Variants in HTT-AS observed in about 807,000 individuals in gnomAD.
The protein encoded by HTT-AS is HTT antisense RNA.
chr4:3,046,264 G>A (rs1316973831), downstream of HTT-AS, among the ~76,000 whole-genome samples: 1 of 152,198 alleles, frequency 6.6e-6, no homozygotes, highest in Non-Finnish European at 1.5e-5. Flanking sequence ...GACAAAAAAG[G>A]GAAGTGACAT....
chr4:3,050,151 C>A (rs950798012), intron 2 of HTT-AS, among the ~76,000 whole-genome samples: 16 of 152,130 alleles, frequency 1.1e-4, no homozygotes, highest in African/African-American at 3.9e-4. Flanking sequence ...GGTGGCCGTC[C>A]TGGTTCTCCG....
At chr4:3,054,722 T>A (rs1711774979) in intron 2 of HTT-AS, among the ~76,000 whole-genome samples, 1 of 146,312 alleles carries the variant, frequency 6.8e-6, no homozygotes, top group African/African-American at 2.6e-5. Flanking sequence ...TTCTTTCTAT[T>A]TTTTTTTTTT....
Position 3,055,351 on chromosome 4 carries a change from C to G in HTT-AS, n.1381-5653G>C, listed in dbSNP as rs533656003. On this transcript the variant is annotated intron_variant and non_coding_transcript_variant, in intron 2 of 2. Transcript: ENST00000664062. ...GGGTTGGGCCCTGTCATCTTTAACC[C>G]ATTTTTAACCCAGAGGGACTTTACT... is the stretch of plus-strand genomic sequence containing the variant. Among the ~76,000 whole-genome samples, 3 of 152,124 alleles carry G rather than the reference C, an allele frequency of 2.0e-5. 1 individual carries two copies. Among genetic ancestry groups the G allele is most frequent in the African/African-American group, 7.2e-5 (3 of 41,496 alleles).
intron 2 of HTT-AS, among the ~76,000 whole-genome samples, chr4:3,061,675 T>A (rs1578467658): frequency 4.2e-5 from 4 of 94,594 alleles, no homozygotes; most frequent in African/African-American, 4.2e-5. Context: ...AGAGTGAAAC[T>A]CCATCTCAGA....
At chr4:3,073,993 C>A (rs952511889) in intron 1 of HTT-AS, among the ~76,000 whole-genome samples, 71 of 151,408 alleles carry the variant, frequency 4.7e-4, no homozygotes, top group African/African-American at 1.7e-3. Context: ...TGCGCCCGCG[C>A]TCGGCGCCCC....
intron 2 of HTT-AS, among the ~76,000 whole-genome samples, chr4:3,061,872 C>T (rs922376592): frequency 6.6e-6 from 1 of 150,970 alleles, no homozygotes; most frequent in Non-Finnish European, 1.5e-5. Flanking sequence ...GTCCCAGCTA[C>T]TCGGCAGGCT....
chr4:3,052,543 A>G (rs1440295435), intron 2 of HTT-AS, among the ~76,000 whole-genome samples: 1 of 152,188 alleles, frequency 6.6e-6, no homozygotes, highest in African/African-American at 2.4e-5. Flanking sequence ...GCATTGGATT[A>G]TCTACTGTTT....
At chr4:3,074,497 G>T in exon 1 of HTT-AS, 1 of 253,224 alleles carries the variant, frequency 3.9e-6, no homozygotes, top group South Asian at 1.1e-4. Context: ...GGGGCGCTGC[G>T]CTGTCAGCGG....
chr4:3,052,125 G>T (rs1364651671), intron 2 of HTT-AS, among the ~76,000 whole-genome samples: 1 of 152,172 alleles, frequency 6.6e-6, no homozygotes, highest in Admixed American at 6.6e-5. Context: ...CTATAGTTCA[G>T]TGGTGATCTG....
intron 2 of HTT-AS, among the ~76,000 whole-genome samples, chr4:3,050,208 A>G (rs561679596): frequency 2.6e-5 from 4 of 152,222 alleles, no homozygotes; most frequent in Non-Finnish European, 4.4e-5. Context: ...CTTGAATCCC[A>G]GTTGCTTCTC....
intron 1 of HTT-AS, among the ~76,000 whole-genome samples, chr4:3,071,149 T>C (rs1282401458): frequency 6.6e-6 from 1 of 152,158 alleles, no homozygotes; most frequent in Non-Finnish European, 1.5e-5. Context: ...CCTCCCTGGA[T>C]GGGTTGGAAT....
At chr4:3,049,810 G>A (rs897268437) in intron 2 of HTT-AS, among the ~76,000 whole-genome samples, 2 of 151,442 alleles carry the variant, frequency 1.3e-5, no homozygotes, top group African/African-American at 2.4e-5. Context: ...TATACAACCC[G>A]GAAAACATGC....
At chr4:3,063,124 A>G (rs1175951394) in exon 2 of HTT-AS, among the ~76,000 whole-genome samples, 1 of 152,172 alleles carries the variant, frequency 6.6e-6, no homozygotes, top group African/African-American at 2.4e-5. Flanking sequence ...CAGTTGAAGT[A>G]AGTGCTACAA....
At chr4:3,070,994 G>A (rs149101187) in intron 1 of HTT-AS, among the ~76,000 whole-genome samples, 69 of 152,268 alleles carry the variant, frequency 4.5e-4, no homozygotes, top group East Asian at 9.6e-4. Flanking sequence ...TTAAAAACCT[G>A]TGTCTTGACA....
At chr4:3,059,935 T>TTTTG (rs1711894884) in intron 2 of HTT-AS, among the ~76,000 whole-genome samples, 4 of 151,204 alleles carry the variant, frequency 2.6e-5, no homozygotes, top group Admixed American at 6.6e-5. Context: ...TTTTTTTTTT[T>TTTTG]GAGACGGAGT....
chr4:3,047,910 GTCTCCTC>G (rs767314935), downstream of HTT-AS, among the ~76,000 whole-genome samples: 18 of 152,230 alleles, frequency 1.2e-4, no homozygotes, highest in Non-Finnish European at 2.4e-4. Context: ...GACGTAGGCT[GTCTCCTC>G]TCTCTCTCCG....
chr4:3,073,675 GC>G (rs2110126872), intron 1 of HTT-AS, among the ~76,000 whole-genome samples: 1 of 152,198 alleles, frequency 6.6e-6, no homozygotes, highest in South Asian at 2.1e-4. Flanking sequence ...GATGGGGGGC[GC>G]CAGGCCTGTG....
intron 2 of HTT-AS, among the ~76,000 whole-genome samples, chr4:3,061,047 C>G (rs1305441064): frequency 1.3e-5 from 2 of 152,178 alleles, no homozygotes; most frequent in South Asian, 2.1e-4. Context: ...TATTAAAGCT[C>G]CACTCTTAAC....
At chr4:3,051,883 C>T (rs903220154) in intron 2 of HTT-AS, among the ~76,000 whole-genome samples, 5 of 152,034 alleles carry the variant, frequency 3.3e-5, no homozygotes, top group Non-Finnish European at 7.4e-5. Context: ...CTGCAGATCC[C>T]TGAAACAAAC....
Sources: gnomAD v4.1 joint callset for allele counts (sites outside exome capture counted in the v4.1 genomes callset) on GRCh38, gnomAD v4.1.1 for gene constraint, MANE v1.5 for transcripts, NCBI Gene and HGNC (gene_info 2026-07-23, HGNC 2026-07-21) for gene names.